TTC7B: variants seen among roughly 807,000 people sequenced by gnomAD.
TTC7B encodes tetratricopeptide repeat protein 7B.
Under a neutral mutation model 106.8 loss-of-function variants are expected in TTC7B, and 28 were observed. The ratio of observed to expected loss-of-function variants is 0.26; its 90% CI spans 0.19 to 0.36. TTC7B has a LOEUF of 0.36. Ranked by LOEUF, TTC7B falls within the 10% of genes least tolerant of loss-of-function variation. The probability of loss-of-function intolerance (pLI) is 1.00; values close to 1 mark genes in which losing one functional copy is unlikely to be tolerated. For synonymous variants in TTC7B, 405 were observed against 430.6 expected, an observed-to-expected ratio of 0.94 and a Z score of 0.74; for missense variants, 862 against 1,076.4, an observed-to-expected ratio of 0.80 and a Z score of 2.79.
At chr14:90,668,569 C>A (rs1006716273) in intron 9 of TTC7B, among the ~76,000 whole-genome samples, 7 of 152,258 alleles carry the variant, frequency 4.6e-5, no homozygotes, top group African/African-American at 1.7e-4. Flanking sequence ...TAGTAACATG[C>A]ACTTCTTGCA....
chr14:90,566,282 T>G (rs911876509), intron 19 of TTC7B, among the ~76,000 whole-genome samples: 2 of 151,636 alleles, frequency 1.3e-5, no homozygotes, highest in African/African-American at 4.9e-5. Flanking sequence ...AGGCGGAGGT[T>G]GCAGTGAGCC....
chr14:90,630,318 C>T (rs919514510), intron 15 of TTC7B, among the ~76,000 whole-genome samples: 2 of 152,126 alleles, frequency 1.3e-5, no homozygotes, highest in Non-Finnish European at 2.9e-5. Context: ...AGGCTGCTTC[C>T]GTGGCTCAGC....
chr14:90,811,234 G>A (rs1339152485), intron 1 of TTC7B, among the ~76,000 whole-genome samples: 3 of 152,234 alleles, frequency 2.0e-5, no homozygotes. Flanking sequence ...AGGACAGAGT[G>A]TTTGAAAGCA....
At position 90,608,176 on chromosome 14, in the gene TTC7B, A is replaced by G. The variant is rs1892724968; in HGVS notation, c.1966+2566T>C. ...GCTGAACCATATGCAACTGGGCTTTATTAATCAAGATGGAGGCATTTTTCC... is the reference window on the plus strand; with the variant it reads ...GCTGAACCATATGCAACTGGGCTTTGTTAATCAAGATGGAGGCATTTTTCC... On this transcript the variant is annotated intron_variant, in intron 17 of 19. Coordinates refer to ENST00000328459, the MANE Select transcript of TTC7B (RefSeq NM_001010854.2). The surrounding 1 kb of genome is among the most constrained non-coding windows in gnomAD (Gnocchi z 5.1). Among the ~76,000 whole-genome samples, 1 of 152,218 alleles carries G rather than the reference A, an allele frequency of 6.6e-6. No homozygotes were observed. The highest frequency in any genetic ancestry group is 2.4e-5 in the African/African-American group (1 of 41,454).
intron 17 of TTC7B, among the ~76,000 whole-genome samples, chr14:90,606,259 G>C (rs1206761314): frequency 6.6e-6 from 1 of 152,102 alleles, no homozygotes; most frequent in Non-Finnish European, 1.5e-5. Flanking sequence ...AAGCTTTCTG[G>C]GGTGGCCTAT....
At chr14:90,739,925 TA>T (rs1299850554) in intron 4 of TTC7B, among the ~76,000 whole-genome samples, 1 of 152,238 alleles carries the variant, frequency 6.6e-6, no homozygotes, top group Non-Finnish European at 1.5e-5. Context: ...CGGATAACTT[TA>T]TTTACTGTTG....
chr14:90,734,508 T>G (rs1889445950), intron 4 of TTC7B, among the ~76,000 whole-genome samples: 1 of 152,012 alleles, frequency 6.6e-6, no homozygotes, highest in East Asian at 1.9e-4. Context: ...ATGATCACTA[T>G]CATGCTTTGA....
chr14:90,537,224 C>T lies in TTC7B; in HGVS notation c.*4144G>A, dbSNP rs1203285121. 1 of 152,244 alleles carries T rather than the reference C, an allele frequency of 6.6e-6. No homozygotes were observed. The highest frequency in any genetic ancestry group is 1.5e-5 in the Non-Finnish European group (1 of 68,056). 9.4% of individuals were successfully genotyped at this position (152,244 alleles called of 1,614,324 possible). On this transcript the variant is annotated 3_prime_UTR_variant, in exon 20 of 20. Coordinates refer to ENST00000328459, the MANE Select transcript of TTC7B (RefSeq NM_001010854.2). ...TTATTTGTAGAGATAGGGTCTTGCT[C>T]TCTCATGCAGGCTGGACTGCGGTGG...
chr14:90,701,825 A>AAG (rs1017490019), intron 5 of TTC7B, among the ~76,000 whole-genome samples: 3 of 141,528 alleles, frequency 2.1e-5, no homozygotes, highest in African/African-American at 5.3e-5. Flanking sequence ...TATATATGGA[A>AAG]AGAGAGAGAG....
At chr14:90,627,784 G>C (rs57469480) in intron 15 of TTC7B, among the ~76,000 whole-genome samples, 2 of 152,188 alleles carry the variant, frequency 1.3e-5, no homozygotes, top group African/African-American at 4.8e-5. Context: ...AACTGACATA[G>C]TTAGCTGGAA....
rs1187130493 is a variant in TTC7B at position 90,575,097 on chromosome 14, C to T, written c.2310+3009G>A. On this transcript the variant is annotated intron_variant, in intron 19 of 19. Transcript: ENST00000328459. The surrounding 1 kb of genome is among the most constrained non-coding windows in gnomAD (Gnocchi z 5.2). The stretch of plus-strand genomic sequence containing the variant: ...CACACAGGTCGGGGCCCTGCCTCCT[C>T]CCTGGGGCTTGACCTGGTAAGACAG... Among the ~76,000 whole-genome samples the T allele has an allele frequency of 1.3e-5, 2 of 152,208 alleles. No individual in the cohort carries two copies. The highest frequency in any genetic ancestry group is 1.3e-4 in the Admixed American group (2 of 15,288).
At chr14:90,724,645 A>G (rs894955134) in intron 5 of TTC7B, among the ~76,000 whole-genome samples, 3 of 152,104 alleles carry the variant, frequency 2.0e-5, no homozygotes, top group African/African-American at 7.2e-5. Context: ...ATGATTGCAA[A>G]TTTCTTGGGG....
chr14:90,781,716 C>T (rs1166095616), intron 2 of TTC7B, among the ~76,000 whole-genome samples: 3 of 152,038 alleles, frequency 2.0e-5, no homozygotes, highest in Admixed American at 6.5e-5. Context: ...CTTTCCAGGG[C>T]GAAGTTTCTC....
intron 17 of TTC7B, among the ~76,000 whole-genome samples, chr14:90,594,977 G>A (rs763459180): frequency 1.3e-5 from 2 of 152,194 alleles, no homozygotes; most frequent in African/African-American, 4.8e-5. Context: ...ACCAAGAGGA[G>A]AGCAGCCTCT....
chr14:90,620,258 T>C (rs1295813745), intron 15 of TTC7B, among the ~76,000 whole-genome samples: 2 of 152,104 alleles, frequency 1.3e-5, no homozygotes, highest in Admixed American at 6.5e-5. Context: ...GATGTGAGAA[T>C]AGGGCTCAGC....
At chr14:90,724,377 G>A (rs918925205) in intron 5 of TTC7B, among the ~76,000 whole-genome samples, 1 of 152,094 alleles carries the variant, frequency 6.6e-6, no homozygotes, top group Non-Finnish European at 1.5e-5. Flanking sequence ...GATATGGTTT[G>A]GATGTGTGTC....
chr14:90,784,642 G>A (rs1057146566), intron 2 of TTC7B, among the ~76,000 whole-genome samples: 1 of 152,180 alleles, frequency 6.6e-6, no homozygotes, highest in African/African-American at 2.4e-5. Flanking sequence ...CTGGCCTCAA[G>A]TGATCTGCCA....
chr14:90,738,016 T>C (rs1026160562), intron 4 of TTC7B, among the ~76,000 whole-genome samples: 2 of 152,294 alleles, frequency 1.3e-5, no homozygotes, highest in African/African-American at 2.4e-5. Flanking sequence ...AATTAAATAT[T>C]GGTGATGGTT....
chr14:90,750,887 T>A (rs1438581541), intron 3 of TTC7B, among the ~76,000 whole-genome samples: 2 of 152,240 alleles, frequency 1.3e-5, no homozygotes, highest in Admixed American at 1.3e-4. Flanking sequence ...CCAGAAAATT[T>A]AGCTCTCTGT....
Sources: gnomAD v4.1 joint callset for allele counts (sites outside exome capture counted in the v4.1 genomes callset) on GRCh38, gnomAD v4.1.1 for gene constraint, Gnocchi (gnomAD v3.1) non-coding constraint, MANE v1.5 for transcripts, NCBI Gene and HGNC (gene_info 2026-07-23, HGNC 2026-07-21) for gene names.